The following POGLUT3 variants were observed in gnomAD, a reference collection of about 807,000 sequenced individuals.
POGLUT3 encodes the protein protein O-glucosyltransferase 3.
A neutral mutation model predicts 54.3 loss-of-function variants in POGLUT3; 48 were observed. That is an observed-to-expected ratio of 0.88 (90% CI 0.70 to 1.12). The LOEUF is 1.12. Among genes scored for constraint, POGLUT3 ranks in the 50% most tolerant of loss-of-function variants. POGLUT3 has a pLI of 0.00. For missense variants in POGLUT3, 629 were observed against 618.7 expected (o/e 1.02, Z -0.18); for synonymous variants, 218 against 237.4 (o/e 0.92, Z 0.75).
intron 2 of POGLUT3, among the ~76,000 whole-genome samples, chr11:108,488,770 T>G (rs1475827185): frequency 1.3e-5 from 2 of 152,052 alleles, no homozygotes; most frequent in Non-Finnish European, 2.9e-5. Context: ...GGCTGAGAAA[T>G]GGACATCTAA....
At chr11:108,497,238 A>T (rs2093623719) in intron 1 of POGLUT3, among the ~76,000 whole-genome samples, 1 of 152,244 alleles carries the variant, frequency 6.6e-6, no homozygotes, top group Non-Finnish European at 1.5e-5. Context: ...ATGAAATTTT[A>T]AAAATCATTA....
intron 5 of POGLUT3, among the ~76,000 whole-genome samples, chr11:108,480,638 A>G (rs1287136510): frequency 6.6e-6 from 1 of 152,132 alleles, no homozygotes; most frequent in African/African-American, 2.4e-5. Flanking sequence ...GTTTTGTCAC[A>G]TTGTTCACAT....
intron 7 of POGLUT3, among the ~76,000 whole-genome samples, chr11:108,475,542 C>A (rs555629071): frequency 6.8e-6 from 1 of 147,808 alleles, no homozygotes; most frequent in Non-Finnish European, 1.5e-5. Context: ...TCTTGGCTCA[C>A]TGCAGCCTCC....
At chr11:108,480,608 G>T (rs1413905260) in intron 5 of POGLUT3, among the ~76,000 whole-genome samples, 2 of 152,100 alleles carry the variant, frequency 1.3e-5, no homozygotes, top group East Asian at 1.9e-4. Flanking sequence ...TTGGTACAAG[G>T]GAGTTTTTGA....
chr11:108,486,772 TA>T (rs2093604228), intron 2 of POGLUT3: 1 of 240,872 alleles, frequency 4.2e-6, no homozygotes. Flanking sequence ...TATTAATTTT[TA>T]GACATTATGT....
intron 1 of POGLUT3, chr11:108,491,413 G>A: frequency 6.8e-6 from 4 of 585,440 alleles, no homozygotes; most frequent in Non-Finnish European, 1.2e-5. Context: ...GGAGTGCAGA[G>A]GCAGAATCCT....
chr11:108,481,258 A>G lies in POGLUT3; in HGVS notation c.1020T>C (p.Ile340=), dbSNP rs1001309396. 19 of 1,613,132 alleles carry G rather than the reference A, an allele frequency of 1.2e-5. No individual in the cohort carries two copies. The highest frequency in any genetic ancestry group is 1.5e-5 in the Non-Finnish European group (18 of 1,179,724). The change falls in exon 5 of 8, where the codon ATT becomes ATC. Residue 340 remains isoleucine, a synonymous_variant. Transcript: ENST00000323468. ...TCTCTTGGAAAAAGAAATATCCTGT[A>G]ATTCCTGCATCTAGTAGCTGAGGAT... ...KENPQLLDAG[I]TGYFFFQEKE... is the part of the protein sequence containing the mutation.
chr11:108,492,691 G>A (rs927822196), intron 1 of POGLUT3, among the ~76,000 whole-genome samples: 4 of 151,864 alleles, frequency 2.6e-5, no homozygotes, highest in African/African-American at 4.8e-5. Flanking sequence ...ATTAATAATC[G>A]AGTACCAAAC....
intron 7 of POGLUT3, among the ~76,000 whole-genome samples, chr11:108,475,829 G>A (rs1292159827): frequency 6.6e-6 from 1 of 151,918 alleles, no homozygotes; most frequent in African/African-American, 2.4e-5. Context: ...TCCTGGTACT[G>A]GACCAAATGC....
In POGLUT3 at chr11:108,473,953, A is replaced by G. The variant is rs1258467107; in HGVS notation, c.*874T>C. 2 of 152,184 alleles carry G rather than the reference A, an allele frequency of 1.3e-5. No homozygotes were observed. Among genetic ancestry groups the G allele is most frequent in the African/African-American group, 4.8e-5 (2 of 41,458 alleles). The allele number at this position is 152,184 out of a possible 1,614,324, so 9.4% of individuals were successfully genotyped here. A position where few individuals can be genotyped will look rare whatever the true frequency, so the allele number is the denominator to read the frequency against. ...CAGTCTCCATGCCACCTTTAATAAC[A>G]GAGTCATTCTCTTCTTCCTTAAATA... On this transcript the variant is annotated 3_prime_UTR_variant, in exon 8 of 8. Transcript: ENST00000323468.
At chr11:108,484,636 A>G (rs1277159335) in intron 3 of POGLUT3, among the ~76,000 whole-genome samples, 1 of 152,120 alleles carries the variant, frequency 6.6e-6, no homozygotes, top group Non-Finnish European at 1.5e-5. Context: ...TGCATCTGTA[A>G]TCCCAGCTAC....
At chr11:108,480,996 G>A (rs763315921) in intron 5 of POGLUT3, among the ~76,000 whole-genome samples, 184 bp downstream of exon 5, 1 of 151,984 alleles carries the variant, frequency 6.6e-6, no homozygotes, top group Non-Finnish European at 1.5e-5. Flanking sequence ...GAGCTATTTG[G>A]TAAACTTAAC....
intron 3 of POGLUT3, among the ~76,000 whole-genome samples, chr11:108,483,914 C>T (rs1454289452): frequency 6.6e-6 from 1 of 152,122 alleles, no homozygotes; most frequent in Non-Finnish European, 1.5e-5. Context: ...AATGATTCAT[C>T]TGCCTCAGCC....
intron 2 of POGLUT3, among the ~76,000 whole-genome samples, chr11:108,490,391 G>A (rs1591644768): frequency 1.3e-5 from 2 of 152,136 alleles, no homozygotes; most frequent in South Asian, 4.2e-4. Context: ...AGTAGAGACG[G>A]GGTTTCACCA....
Position 108,474,916 on chromosome 11 carries a change from G to C in POGLUT3, c.1435C>G (p.Arg479Gly). 1 of 1,613,920 alleles carries C rather than the reference G, an allele frequency of 6.2e-7. No individual in the cohort carries two copies. The highest frequency in any genetic ancestry group is 8.5e-7 in the Non-Finnish European group (1 of 1,179,904). ...AERQSSKPEV[R>G]DGMELVPQPE... Reference sequence around the variant, plus strand: ...TGAGGAACAAGTTCCATTCCATCACGTACTTCGGGTTTGCTGGACTGGCGC... The same window carrying C: ...TGAGGAACAAGTTCCATTCCATCACCTACTTCGGGTTTGCTGGACTGGCGC... The change falls in exon 8 of 8, where the codon CGT becomes GGT. Residue 479 changes from arginine to glycine, a missense_variant. Coordinates refer to ENST00000323468, the MANE Select transcript of POGLUT3 (RefSeq NM_153705.5).
In POGLUT3 at chr11:108,474,970, A is replaced by C. The variant is rs758279103; in HGVS notation, c.1399-18T>G. On this transcript the variant is annotated intron_variant, in intron 7 of 7. Transcript: ENST00000323468. Reference sequence around the variant, plus strand: ...GCATATTTCTGAAACGTGGGTTTAAAGGGAACTGAAAGGTTAGTTCACACT... The same window carrying C: ...GCATATTTCTGAAACGTGGGTTTAACGGGAACTGAAAGGTTAGTTCACACT... 4 of 1,613,142 alleles carry C rather than the reference A, an allele frequency of 2.5e-6. No individual in the cohort carries two copies. The highest frequency in any genetic ancestry group is 2.5e-6 in the Non-Finnish European group (3 of 1,179,568).
intron 2 of POGLUT3, chr11:108,486,704 G>T: frequency 2.5e-6 from 1 of 400,048 alleles, no homozygotes; most frequent in South Asian, 6.6e-5. Context: ...TCTCTAATAA[G>T]GTATAAATGG....
At chr11:108,495,913 G>A (rs2093621464) in intron 1 of POGLUT3, among the ~76,000 whole-genome samples, 1 of 152,156 alleles carries the variant, frequency 6.6e-6, no homozygotes. Context: ...GGTAAACCAT[G>A]CAGAATCATA....
chr11:108,495,255 C>T (rs1268182200), intron 1 of POGLUT3, among the ~76,000 whole-genome samples: 1 of 152,170 alleles, frequency 6.6e-6, no homozygotes, highest in African/African-American at 2.4e-5. Flanking sequence ...AATGCAACTG[C>T]AGCCTCCCAG....
Sources: allele counts gnomAD v4.1 joint callset (sites outside exome capture counted in the v4.1 genomes callset), GRCh38; gene constraint gnomAD v4.1.1; transcripts MANE v1.5; gene names NCBI Gene and HGNC (gene_info 2026-07-23, HGNC 2026-07-21).